Variants in MRPL47 observed in about 807,000 individuals in gnomAD.
MRPL47 encodes mitochondrial ribosomal protein L47.
A neutral mutation model predicts 34.0 loss-of-function variants in MRPL47; 31 were observed. That is an observed-to-expected ratio of 0.91 (90% CI 0.68 to 1.23). MRPL47 has a LOEUF of 1.23. Among genes scored for constraint, MRPL47 ranks in the 50% most tolerant of loss-of-function variants. The probability of loss-of-function intolerance (pLI) is 0.00; values close to 1 mark genes in which losing one functional copy is unlikely to be tolerated. For synonymous variants in MRPL47, 106 were observed against 101.6 expected, an observed-to-expected ratio of 1.04 and a Z score of -0.26; for missense variants, 328 against 285.8, an observed-to-expected ratio of 1.15 and a Z score of -1.07.
Position 179,602,641 on chromosome 3 carries a change from AAGT to A in MRPL47, c.244+8_244+10del. On this transcript the variant is annotated splice_region_variant and intron_variant, in intron 2 of 6. Transcript: ENST00000476781. ...AAATATATCTAATGTTGACAAATCC[AAGT>A]ATCTCACCAGATTTTACTTTTTCTT... The A allele has an allele frequency of 6.3e-7, 1 of 1,595,154 alleles. No homozygotes were observed. The highest frequency in any genetic ancestry group is 8.6e-7 in the Non-Finnish European group (1 of 1,168,098).
intron 4 of MRPL47, among the ~76,000 whole-genome samples, chr3:179,598,173 G>A (rs1458716863): frequency 6.6e-6 from 1 of 152,096 alleles, no homozygotes; most frequent in Non-Finnish European, 1.5e-5. Context: ...GGTCACTTGA[G>A]GTTAAGAGTT....
In MRPL47 at chr3:179,598,743, G is replaced by T; in HGVS notation, c.334C>A (p.Leu112Ile). 1 of 1,612,148 alleles carries T rather than the reference G, an allele frequency of 6.2e-7. No individual in the cohort carries two copies. Among genetic ancestry groups the T allele is most frequent in the Non-Finnish European group, 8.5e-7 (1 of 1,178,438 alleles). The change falls in exon 4 of 7, where the codon CTT (leucine) becomes ATT (isoleucine). Residue 112 changes from leucine (L) to isoleucine (I), a missense_variant. Transcript: ENST00000476781. The part of the protein sequence containing the change: ...WYVLLKERNM[L>I]LTLEQEAKRQ... ...TTGGCCTCCTGCTCTAGGGTTAGAA[G>T]CATGTTTCTTTCTTTCAGTAAGACA...
chr3:179,594,666 T>C (rs1718754937), intron 4 of MRPL47, among the ~76,000 whole-genome samples: 1 of 151,966 alleles, frequency 6.6e-6, no homozygotes, highest in Non-Finnish European at 1.5e-5. Flanking sequence ...GTATTTTTAT[T>C]AGAGATGGGG....
At chr3:179,600,578 G>T (rs900503871) in intron 3 of MRPL47, among the ~76,000 whole-genome samples, 3 of 152,164 alleles carry the variant, frequency 2.0e-5, no homozygotes, top group Non-Finnish European at 4.4e-5. Flanking sequence ...GGAGGTGGAG[G>T]TTGCAGTGAG....
chr3:179,591,759 T>C (rs1364936701), intron 6 of MRPL47, among the ~76,000 whole-genome samples: 1 of 152,204 alleles, frequency 6.6e-6, no homozygotes, highest in African/African-American at 2.4e-5. Flanking sequence ...TCCATTTACA[T>C]ATAGATACAA....
chr3:179,600,302 A>G (rs926232859), intron 3 of MRPL47, among the ~76,000 whole-genome samples: 2 of 152,172 alleles, frequency 1.3e-5, no homozygotes. Context: ...ACACTTCACA[A>G]TTCTTTAATT....
At chr3:179,598,591 T>C in intron 4 of MRPL47, 84 bp downstream of exon 4, 2 of 887,988 alleles carry the variant, frequency 2.3e-6, no homozygotes, top group Non-Finnish European at 3.7e-6. Context: ...AAAAAATCTA[T>C]TTGACAAGAA....
rs758324066 is a variant in MRPL47, at chr3:179,598,776, A to T, written c.306-5T>A. 6.5e-7 allele frequency: 1 copy of T among 1,545,224 alleles called. No individual in the cohort carries two copies. Among genetic ancestry groups the T allele is most frequent in the Admixed American group, 1.7e-5 (1 of 59,836 alleles). On this transcript the variant is annotated splice_polypyrimidine_tract_variant and splice_region_variant and intron_variant, in intron 3 of 6. Coordinates refer to ENST00000476781, the MANE Select transcript of MRPL47 (RefSeq NM_020409.3). ...CTTTCTTTCAGTAAGACATACCTAT[A>T]CAAAAGAACACAAACCTTGTGATGC...
intron 5 of MRPL47, among the ~76,000 whole-genome samples, chr3:179,593,133 C>G (rs761164561): frequency 2.7e-4 from 41 of 152,292 alleles, no homozygotes; most frequent in Non-Finnish European, 8.8e-5. Flanking sequence ...TTTATTTACA[C>G]CAGGTCTTCT....
rs562156985 is a variant in MRPL47, at chr3:179,601,674, T to C, written c.305+56A>G. Reference sequence around the variant, plus strand: ...TATCAGATAGATTGTTTTCACCTCATTGTTACACTATAACGGCTTCAAACG... The same window carrying C: ...TATCAGATAGATTGTTTTCACCTCACTGTTACACTATAACGGCTTCAAACG... On this transcript the variant is annotated intron_variant, in intron 3 of 6. Transcript: ENST00000476781. The C allele has an allele frequency of 7.4e-6, 8 of 1,076,454 alleles. No homozygotes were observed. The East Asian group carries it at 9.5e-5, about 13-fold the overall frequency. The allele number at this position is 1,076,454 out of a possible 1,614,324, so 66.7% of individuals were successfully genotyped here. A position where few individuals can be genotyped will look rare whatever the true frequency, so the allele number is the denominator to read the frequency against.
intron 5 of MRPL47, among the ~76,000 whole-genome samples, 158 bp from the exon 6 acceptor site, chr3:179,592,897 T>A (rs950325078): frequency 1.3e-5 from 2 of 152,232 alleles, no homozygotes; most frequent in Non-Finnish European, 2.9e-5. Flanking sequence ...CTTTTCTGTG[T>A]TGGACTTAAA....
At position 179,588,858 on chromosome 3, in the gene MRPL47, A is replaced by G. The variant is rs1439991323; in HGVS notation, c.*14T>C. The G allele has an allele frequency of 6.2e-7, 1 of 1,608,316 alleles. No individual in the cohort carries two copies. The highest frequency in any genetic ancestry group is 8.5e-7 in the Non-Finnish European group (1 of 1,178,014). On this transcript the variant is annotated 3_prime_UTR_variant, in exon 7 of 7. Transcript: ENST00000476781. ...CAAGAAAAACAAAATGGTAAATTTA[A>G]TAGTTCAGACATCTTAGACAAGACT... is the stretch of plus-strand genomic sequence containing the variant.
intron 4 of MRPL47, among the ~76,000 whole-genome samples, chr3:179,594,391 A>C (rs1194238816): frequency 6.6e-6 from 1 of 152,250 alleles, no homozygotes; most frequent in African/African-American, 2.4e-5. Flanking sequence ...CCAAAGATTT[A>C]TCAAGATGCA....
At chr3:179,590,337 CAA>C (rs1170151793) in intron 6 of MRPL47, among the ~76,000 whole-genome samples, 2 of 116,256 alleles carry the variant, frequency 1.7e-5, no homozygotes, top group Admixed American at 9.4e-5. Flanking sequence ...GACTCCATCT[CAA>C]AAAAAAAAAA....
intron 3 of MRPL47, among the ~76,000 whole-genome samples, chr3:179,600,238 T>C (rs961031388): frequency 3.3e-5 from 5 of 152,240 alleles, no homozygotes; most frequent in Non-Finnish European, 5.9e-5. Context: ...AATAGTGCTT[T>C]AATACAACTT....
chr3:179,590,997 T>A lies in MRPL47; in HGVS notation c.629+1647A>T, dbSNP rs969484228. Among the ~76,000 whole-genome samples, 10 of 152,356 alleles carry A rather than the reference T, an allele frequency of 6.6e-5. No individual in the cohort carries two copies. In the East Asian group the frequency reaches 1.3e-3, roughly 21 times the overall value. On this transcript the variant is annotated intron_variant, in intron 6 of 6. Coordinates refer to ENST00000476781, the MANE Select transcript of MRPL47 (RefSeq NM_020409.3). ...CAGTAGGGAGATGAGTAATTTTAAA[T>A]GTGATTCTAAAGTACACTAAACACT...
intron 2 of MRPL47, 90 bp downstream of exon 2, chr3:179,602,562 C>A: frequency 1.5e-6 from 1 of 677,934 alleles, no homozygotes; most frequent in Non-Finnish European, 2.4e-6. Context: ...AATTCCTAAA[C>A]TGGATATATA....
chr3:179,589,213 C>G (rs1440802231), intron 6 of MRPL47, among the ~76,000 whole-genome samples: 1 of 152,182 alleles, frequency 6.6e-6, no homozygotes, highest in East Asian at 1.9e-4. Context: ...TATTTCCTGA[C>G]TAGAAAGAAT....
Position 179,602,793 on chromosome 3 carries a change from A to G in MRPL47, c.103T>C (p.Phe35Leu), listed in dbSNP as rs954254130. Residue 35 changes from phenylalanine (F) to leucine (L), a missense_variant, in exon 2 of 7, where the codon TTT (phenylalanine) becomes CTT (leucine). Coordinates refer to ENST00000476781, the MANE Select transcript of MRPL47 (RefSeq NM_020409.3). ...TPQVPACTGF[F>L]LSLLPKSTPN... The stretch of plus-strand genomic sequence containing the variant: ...GTACTCTTAGGCAACAAACTAAGAA[A>G]AAACCTGCAATTGAACACACATAAA... The G allele has an allele frequency of 6.2e-7, 1 of 1,601,804 alleles. No individual in the cohort carries two copies. The highest frequency in any genetic ancestry group is 8.5e-7 in the Non-Finnish European group (1 of 1,176,990).
Sources: gnomAD v4.1 joint callset for allele counts (sites outside exome capture counted in the v4.1 genomes callset) on GRCh38, gnomAD v4.1.1 for gene constraint, MANE v1.5 for transcripts, NCBI Gene and HGNC (gene_info 2026-07-23, HGNC 2026-07-21) for gene names.